DNAAF3: variants seen among roughly 807,000 people sequenced by gnomAD.
DNAAF3 encodes the protein dynein axonemal assembly factor 3.
Under a neutral mutation model 50.9 loss-of-function variants are expected in DNAAF3, and 40 were observed. The ratio of observed to expected loss-of-function variants is 0.79; its 90% CI spans 0.61 to 1.02. The LOEUF (loss-of-function observed/expected upper bound fraction) is 1.02, where lower values mean the gene tolerates loss of function less well. Ranked by LOEUF, DNAAF3 falls within the 50% of genes least tolerant of loss-of-function variation. The pLI, the probability that DNAAF3 is intolerant of heterozygous loss-of-function variation, is 0.00. For missense variants in DNAAF3, 763 were observed against 744.7 expected, an observed-to-expected ratio of 1.02 and a Z score of -0.29; for synonymous variants, 327 against 322.8, an observed-to-expected ratio of 1.01 and a Z score of -0.14.
intron 3 of DNAAF3, 49 bp from the exon 4 acceptor site, chr19:55,165,512 T>A: frequency 6.3e-7 from 1 of 1,595,144 alleles, no homozygotes; most frequent in Non-Finnish European, 8.6e-7. Flanking sequence ...TTTGCCTGGG[T>A]CCTAGGAGAC....
Position 55,166,560 on chromosome 19 carries a change from C to G in DNAAF3, c.-42G>C. The G allele has an allele frequency of 1.2e-6, 2 of 1,614,234 alleles. No individual in the cohort carries two copies. The highest frequency in any genetic ancestry group is 1.7e-6 in the Non-Finnish European group (2 of 1,180,042). On this transcript the variant is annotated 5_prime_UTR_variant, in exon 1 of 12. Coordinates refer to ENST00000524407, the MANE Select transcript of DNAAF3 (RefSeq NM_001256715.2). This position sits in a 1 kb window ranked among gnomAD's most constrained non-coding sequence, Gnocchi z 4.0. ...AATATCCCGGGACGCCCCTTCCTCTCTGCTCAGTGCAGCACTGTGGACCCG... is the reference window on the plus strand; with the variant it reads ...AATATCCCGGGACGCCCCTTCCTCTGTGCTCAGTGCAGCACTGTGGACCCG...
rs1478200857 is a variant in DNAAF3 at position 55,165,978 on chromosome 19, G to C, written c.108C>G (p.Ser36=). The change falls in exon 3 of 12, where the codon TCC becomes TCG. Residue 36 remains serine, a synonymous_variant. Coordinates refer to ENST00000524407, the MANE Select transcript of DNAAF3 (RefSeq NM_001256715.2). The part of the protein sequence containing the change: ...QAESPPVDPD[S]QADTVHSNPE... ...GGTTGCTGTGCACTGTATCGGCCTGGGAGTCTGGGTCCACAGGAGGACCTG... is the reference window on the plus strand; with the variant it reads ...GGTTGCTGTGCACTGTATCGGCCTGCGAGTCTGGGTCCACAGGAGGACCTG... The C allele has an allele frequency of 6.2e-7, 1 of 1,614,076 alleles. No homozygotes were observed. The highest frequency in any genetic ancestry group is 8.5e-7 in the Non-Finnish European group (1 of 1,180,048).
rs924138343 is a variant in DNAAF3 at position 55,164,921 on chromosome 19, G to A, written c.322+449C>T. On this transcript the variant is annotated intron_variant, in intron 4 of 11. Coordinates refer to ENST00000524407, the MANE Select transcript of DNAAF3 (RefSeq NM_001256715.2). ...CTCTAAGATGGCAAATTACATCAGA[G>A]GGGACCATCATCAATAAATATATTG... Among the ~76,000 whole-genome samples, 49 of 152,006 alleles carry A rather than the reference G, an allele frequency of 3.2e-4. 3 individuals carry two copies. Among genetic ancestry groups the A allele is most frequent in the Admixed American group, 2.9e-3 (45 of 15,270 alleles).
intron 3 of DNAAF3, 48 bp from the exon 4 acceptor site, chr19:55,165,511 G>GGTC: frequency 6.3e-7 from 1 of 1,594,908 alleles, no homozygotes; most frequent in South Asian, 1.1e-5. Context: ...GTTTGCCTGG[G>GGTC]TCCTAGGAGA....
Position 55,160,003 on chromosome 19 carries a change from G to A in DNAAF3, c.1059C>T (p.Thr353=), listed in dbSNP as rs754112683. ...SPEPGTPAAP[T]PESFTVHFLP... is the part of the protein sequence containing the mutation. ...GGAAGTGGACGGTGAAAGATTCCGG[G>A]GTCGGGGCTGCTGGGGGAAGGGGAT... is the stretch of plus-strand genomic sequence containing the variant. The change falls in exon 10 of 12, where the codon ACC becomes ACT. Residue 353 remains threonine, a synonymous_variant. Coordinates refer to ENST00000524407, the MANE Select transcript of DNAAF3 (RefSeq NM_001256715.2). This position sits in a 1 kb window ranked among gnomAD's most constrained non-coding sequence, Gnocchi z 4.7. 7 of 1,611,734 alleles carry A rather than the reference G, an allele frequency of 4.3e-6. No individual in the cohort carries two copies. Among genetic ancestry groups the A allele is most frequent in the Non-Finnish European group, 5.9e-6 (7 of 1,178,418 alleles).
rs1157426494 is a variant in DNAAF3, at chr19:55,161,762, G to A, written c.544C>T (p.Gln182Ter). ...RFWAGGEKGPQAFPMSRLWDS... is the reference protein window; with the variant it reads ...RFWAGGEKGP Reference sequence around the variant, plus strand: ...CAGAGGCGGCTCATGGGGAACGCCTGGGGCCCTTTCTCGCCGCCAGCCCAG... The same window carrying A: ...CAGAGGCGGCTCATGGGGAACGCCTAGGGCCCTTTCTCGCCGCCAGCCCAG... The change falls in exon 6 of 12, where the codon CAG becomes TAG. Residue 182 changes from glutamine (Q) to a stop codon, truncating the protein, a stop_gained. Coordinates refer to ENST00000524407, the MANE Select transcript of DNAAF3 (RefSeq NM_001256715.2). LOFTEE classifies it high-confidence loss of function. The surrounding 1 kb of genome is among the most constrained non-coding windows in gnomAD (Gnocchi z 6.4). 2 of 1,517,144 alleles carry A rather than the reference G, an allele frequency of 1.3e-6. No individual in the cohort carries two copies. The highest frequency in any genetic ancestry group is 2.5e-5 in the East Asian group (1 of 40,342). 94.0% of individuals were successfully genotyped at this position (1,517,144 alleles called of 1,614,324 possible).
chr19:55,159,513 C>A lies in DNAAF3; in HGVS notation c.1238+20G>T, dbSNP rs749232820. The A allele has an allele frequency of 1.1e-5, 18 of 1,597,604 alleles. No homozygotes were observed. Among genetic ancestry groups the A allele is most frequent in the African/African-American group, 2.7e-5 (2 of 74,696 alleles). Reference sequence around the variant, plus strand: ...GATCCCCAGCCAGGATGTTCCCCACCCTCCACCCCACTGACTCACCGGGCT... The same window carrying A: ...GATCCCCAGCCAGGATGTTCCCCACACTCCACCCCACTGACTCACCGGGCT... On this transcript the variant is annotated intron_variant, in intron 11 of 11. Coordinates refer to ENST00000524407, the MANE Select transcript of DNAAF3 (RefSeq NM_001256715.2).
rs1258673115 is a variant in DNAAF3, at chr19:55,159,979, GA to G, written c.1082del (p.Phe361SerfsTer47). 1 of 1,606,036 alleles carries G rather than the reference GA, an allele frequency of 6.2e-7. No homozygotes were observed. The highest frequency in any genetic ancestry group is 8.5e-7 in the Non-Finnish European group (1 of 1,175,596). ...APTPESFTVH[F>X]LPLNSAQTLH... ...GAGTCTGAGCAGAATTGAGCGGCAG[GA>G]AGTGGACGGTGAAAGATTCCGGGGT... On this transcript the variant is annotated frameshift_variant, in exon 10 of 12. Coordinates refer to ENST00000524407, the MANE Select transcript of DNAAF3 (RefSeq NM_001256715.2). LOFTEE classifies it high-confidence loss of function.
chr19:55,165,820 A>G (rs1379804188), intron 3 of DNAAF3, 38 bp downstream of exon 3: 1 of 1,604,790 alleles, frequency 6.2e-7, no homozygotes, highest in Admixed American at 1.7e-5. Flanking sequence ...TCCCTCAAGG[A>G]CTCGGGAATC....
At position 55,160,428 on chromosome 19, in the gene DNAAF3, C is replaced by T. The variant is rs1017259876; in HGVS notation, c.1048+212G>A. Reference sequence around the variant, plus strand: ...TGAGAATATTCTTGGATAGCTTAGCCCTCTGCAGATAAGATTAGAATTCTG... The same window carrying T: ...TGAGAATATTCTTGGATAGCTTAGCTCTCTGCAGATAAGATTAGAATTCTG... On this transcript the variant is annotated intron_variant, in intron 9 of 11. Transcript: ENST00000524407. This position sits in a 1 kb window ranked among gnomAD's most constrained non-coding sequence, Gnocchi z 4.7. 1.3e-5 allele frequency among the ~76,000 whole-genome samples: 2 copies of T among 151,780 alleles called. No individual in the cohort carries two copies. Among genetic ancestry groups the T allele is most frequent in the African/African-American group, 4.8e-5 (2 of 41,402 alleles).
chr19:55,159,245 C>A lies in DNAAF3; in HGVS notation c.1443G>T (p.Gln481His), dbSNP rs751901961. ...PGTPPLDILA[Q>H]PLEASNPALE... The stretch of plus-strand genomic sequence containing the variant: ...GGGCTGGGTTGCTGGCTTCAAGAGG[C>A]TGGGCCAGGATGTCAAGGGGCGGAG... The change falls in exon 12 of 12, where the codon CAG (glutamine) becomes CAT (histidine). Residue 481 changes from glutamine (Q) to histidine (H), a missense_variant. By Grantham distance (24) the Gln-to-His change is conservative (BLOSUM62 0). Transcript: ENST00000524407. The A allele has an allele frequency of 6.2e-7, 1 of 1,613,976 alleles. No individual in the cohort carries two copies. The highest frequency in any genetic ancestry group is 1.1e-5 in the South Asian group (1 of 91,090).
Position 55,159,465 on chromosome 19 carries a change from G to A in DNAAF3, c.1239-16C>T, listed in dbSNP as rs760765736. The A allele has an allele frequency of 9.3e-6, 15 of 1,610,834 alleles. No homozygotes were observed. Among genetic ancestry groups the A allele is most frequent in the South Asian group, 7.7e-5 (7 of 90,846 alleles). On this transcript the variant is annotated splice_polypyrimidine_tract_variant and intron_variant, in intron 11 of 11. Coordinates refer to ENST00000524407, the MANE Select transcript of DNAAF3 (RefSeq NM_001256715.2). ...CACCAGGTACCTGCAGATGGGAAGC[G>A]CCCTGTCAGGGACCCAGATTTTGAT...
rs1372562590 is a variant in DNAAF3 at position 55,165,970 on chromosome 19, TC to T, written c.115del (p.Asp39IlefsTer9). The T allele has an allele frequency of 6.2e-6, 10 of 1,614,152 alleles. No homozygotes were observed. The highest frequency in any genetic ancestry group is 7.6e-6 in the Non-Finnish European group (9 of 1,180,016). Reference protein sequence around the residue: ...SPPVDPDSQADTVHSNPELDV... With the variant: ...SPPVDPDSQAXTVHSNPELDV... ...TAGCTCGGGGTTGCTGTGCACTGTA[TC>T]GGCCTGGGAGTCTGGGTCCACAGGA... On this transcript the variant is annotated frameshift_variant, in exon 3 of 12. Coordinates refer to ENST00000524407, the MANE Select transcript of DNAAF3 (RefSeq NM_001256715.2). LOFTEE classifies it high-confidence loss of function.
rs397515395 is a variant in DNAAF3 at position 55,161,684 on chromosome 19, C to CA, written c.621dup (p.Val208CysfsTer12). The CA allele has an allele frequency of 6.5e-7, 1 of 1,540,374 alleles. No individual in the cohort carries two copies. The highest frequency in any genetic ancestry group is 1.2e-5 in the South Asian group (1 of 83,934). On this transcript the variant is annotated frameshift_variant, in exon 6 of 12. Transcript: ENST00000524407. LOFTEE classifies it high-confidence loss of function. This position sits in a 1 kb window ranked among gnomAD's most constrained non-coding sequence, Gnocchi z 6.4. ...TTCATGCGCAGGTCCCAGTCGCTGA[C>CA]ACCGCGCCGGGCGTCGTAGCGGGAG...
In DNAAF3 at chr19:55,165,377, C is replaced by A. The variant is rs1049654388; in HGVS notation, c.315G>T (p.Gly105=). The change falls in exon 4 of 12, where the codon GGG becomes GGT. Residue 105 remains glycine, a synonymous_variant. Transcript: ENST00000524407. The part of the protein sequence containing the change: ...SLALEEPEKM[G]LQERSETFLE... ...TGGGTCCTAGCAACAGACCTTGCAG[C>A]CCCATCTTCTCCGGTTCCTCCAGGG... 1 of 1,614,006 alleles carries A rather than the reference C, an allele frequency of 6.2e-7. No homozygotes were observed. Among genetic ancestry groups the A allele is most frequent in the African/African-American group, 1.3e-5 (1 of 74,926 alleles).
rs945568107 is a variant in DNAAF3, at chr19:55,165,582, C to T, written c.229-119G>A. The stretch of plus-strand genomic sequence containing the variant: ...ACACCCGAGTTCTGTACACCAGCCT[C>T]TTCCTTCAAACACAGAAGTCTGTGT... On this transcript the variant is annotated intron_variant, in intron 3 of 11. Transcript: ENST00000524407. The T allele has an allele frequency of 3.8e-6, 4 of 1,047,004 alleles. No homozygotes were observed. The African/African-American group carries it at 4.8e-5, about 13-fold the overall frequency. The allele number at this position is 1,047,004 out of a possible 1,614,324, so 64.9% of individuals were successfully genotyped here.
Position 55,159,179 on chromosome 19 carries a change from G to A in DNAAF3, c.1509C>T (p.His503=), listed in dbSNP as rs752844873. The A allele has an allele frequency of 3.7e-6, 6 of 1,613,920 alleles. No homozygotes were observed. The Admixed American group carries it at 1.0e-4, about 27-fold the overall frequency. ...LTQPLQGGTP[H]CEPCQLPSES... is the part of the protein sequence containing the mutation. ...CAGAGGGCAGCTGGCAGGGCTCACA[G>A]TGTGGGGTCCCACCCTGCAGAGGCT... The change falls in exon 12 of 12, where the codon CAC becomes CAT. Residue 503 remains histidine (H), a synonymous_variant. Coordinates refer to ENST00000524407, the MANE Select transcript of DNAAF3 (RefSeq NM_001256715.2).
chr19:55,166,107 G>A lies in DNAAF3; in HGVS notation c.86-107C>T, dbSNP rs2085934009. On this transcript the variant is annotated intron_variant, in intron 2 of 11. Coordinates refer to ENST00000524407, the MANE Select transcript of DNAAF3 (RefSeq NM_001256715.2). The surrounding 1 kb of genome is among the most constrained non-coding windows in gnomAD (Gnocchi z 4.0). ...AAATCCCAGTAGGCGTTCCGCCCGT[G>A]GCCTAGGTTCTAAGGGGAGGTGTTT... 3 of 1,589,442 alleles carry A rather than the reference G, an allele frequency of 1.9e-6. No homozygotes were observed. The highest frequency in any genetic ancestry group is 3.6e-5 in the Admixed American group (2 of 55,210).
rs1296787111 is a variant in DNAAF3 at position 55,160,537 on chromosome 19, G to A, written c.1048+103C>T. 8.3e-6 allele frequency: 13 copies of A among 1,557,164 alleles called. No homozygotes were observed. The highest frequency in any genetic ancestry group is 1.1e-5 in the Non-Finnish European group (13 of 1,147,996). ...AGAAAAAGAGACAGAATATCAAGAA[G>A]CCGTCACTTGCCCAGGCATTCCAAA... is the stretch of plus-strand genomic sequence containing the variant. On this transcript the variant is annotated intron_variant, in intron 9 of 11. Transcript: ENST00000524407. This position sits in a 1 kb window ranked among gnomAD's most constrained non-coding sequence, Gnocchi z 4.7.
Sources: allele counts gnomAD v4.1 joint callset (sites outside exome capture counted in the v4.1 genomes callset), GRCh38; gene constraint gnomAD v4.1.1; non-coding constraint Gnocchi (gnomAD v3.1); transcripts MANE v1.5; gene names NCBI Gene and HGNC (gene_info 2026-07-23, HGNC 2026-07-21).